Variants in PTPRN2 observed in about 807,000 individuals in gnomAD.
The protein encoded by PTPRN2 is receptor-type tyrosine-protein phosphatase N2.
PTPRN2 carries 74 observed loss-of-function variants against 118.8 expected under a neutral mutation model. That is an observed-to-expected ratio of 0.62 (90% confidence interval 0.52 to 0.76). The LOEUF (loss-of-function observed/expected upper bound fraction) is 0.76. Among genes scored for constraint, PTPRN2 ranks in the 30% least tolerant of loss-of-function variants. The probability of loss-of-function intolerance (pLI) is 0.00; values close to 1 mark genes in which losing one functional copy is unlikely to be tolerated. For missense variants in PTPRN2, 1,481 were observed against 1,394.4 expected, an observed-to-expected ratio of 1.06 and a Z score of -0.99; for synonymous variants, 641 against 608.0, an observed-to-expected ratio of 1.05 and a Z score of -0.80.
At chr7:157,701,138 G>A (rs1223190236) in intron 12 of PTPRN2, among the ~76,000 whole-genome samples, 1 of 151,824 alleles carries the variant, frequency 6.6e-6, no homozygotes, top group Non-Finnish European at 1.5e-5. Flanking sequence ...TTTTTTTCCA[G>A]TTTTACAGAT....
At chr7:158,549,709 T>A (rs1464798382) in intron 1 of PTPRN2, among the ~76,000 whole-genome samples, 1 of 152,194 alleles carries the variant, frequency 6.6e-6, no homozygotes, top group African/African-American at 2.4e-5. Context: ...CTTCGCTCCA[T>A]CACAAAGCTC....
At chr7:158,211,149 C>T (rs904526684) in intron 3 of PTPRN2, among the ~76,000 whole-genome samples, 1 of 152,172 alleles carries the variant, frequency 6.6e-6, no homozygotes, top group Non-Finnish European at 1.5e-5. Flanking sequence ...AGACTCCTAT[C>T]TCTTCCTATA....
In PTPRN2 at chr7:157,603,975, G is replaced by C; in HGVS notation, c.2418+27C>G. ...TCCGTGCCACCCAAGGGAAAGCCTGGGGCCCCTGTCCCGGCAGTGCACTTA... is the reference window on the plus strand; with the variant it reads ...TCCGTGCCACCCAAGGGAAAGCCTGCGGCCCCTGTCCCGGCAGTGCACTTA... On this transcript the variant is annotated intron_variant, in intron 16 of 22. Transcript: ENST00000389418. This position sits in a 1 kb window ranked among gnomAD's most constrained non-coding sequence, Gnocchi z 5.4. 1 of 1,609,590 alleles carries C rather than the reference G, an allele frequency of 6.2e-7. No individual in the cohort carries two copies. Among genetic ancestry groups the C allele is most frequent in the Non-Finnish European group, 8.5e-7 (1 of 1,176,438 alleles).
intron 3 of PTPRN2, among the ~76,000 whole-genome samples, chr7:158,242,245 T>A (rs1478101245): frequency 6.6e-6 from 1 of 152,132 alleles, no homozygotes; most frequent in Non-Finnish European, 1.5e-5. Flanking sequence ...TTCATTTCCA[T>A]CTCCAGTCTT....
intron 11 of PTPRN2, among the ~76,000 whole-genome samples, chr7:158,080,896 A>G (rs1812770100): frequency 6.6e-6 from 1 of 152,178 alleles, no homozygotes; most frequent in Non-Finnish European, 1.5e-5. Flanking sequence ...GGTCTGGTAC[A>G]AAATGAAAAA....
chr7:157,815,071 G>T (rs1013965318), intron 12 of PTPRN2, among the ~76,000 whole-genome samples: 1 of 152,226 alleles, frequency 6.6e-6, no homozygotes, highest in Non-Finnish European at 1.5e-5. Flanking sequence ...TTTATTCTGG[G>T]AGCAGCGCGG....
At chr7:157,983,488 G>A (rs978504503) in intron 11 of PTPRN2, among the ~76,000 whole-genome samples, 10 of 152,252 alleles carry the variant, frequency 6.6e-5, no homozygotes, top group Non-Finnish European at 1.0e-4. Flanking sequence ...GAGACGAAGA[G>A]GGTGCTGATC....
At chr7:158,402,545 T>A (rs1384420715) in intron 2 of PTPRN2, among the ~76,000 whole-genome samples, 1 of 152,068 alleles carries the variant, frequency 6.6e-6, no homozygotes, top group East Asian at 1.9e-4. Context: ...GACTCCAATA[T>A]CCCACGTGCC....
chr7:157,973,874 C>CTA (rs1456776998), intron 11 of PTPRN2, among the ~76,000 whole-genome samples: 1 of 152,182 alleles, frequency 6.6e-6, no homozygotes, highest in Non-Finnish European at 1.5e-5. Context: ...GGACTGGAAC[C>CTA]ACAGGGTATG....
chr7:158,149,966 A>T (rs886938704), intron 6 of PTPRN2, among the ~76,000 whole-genome samples: 1 of 152,248 alleles, frequency 6.6e-6, no homozygotes, highest in Non-Finnish European at 1.5e-5. Context: ...ATAGAAAGTA[A>T]GCAACACAAT....
At chr7:158,227,999 C>A (rs905356054) in intron 3 of PTPRN2, among the ~76,000 whole-genome samples, 2 of 151,326 alleles carry the variant, frequency 1.3e-5, no homozygotes, top group African/African-American at 2.4e-5. Context: ...GTAGTTAAGG[C>A]TTTACATGTA....
intron 2 of PTPRN2, among the ~76,000 whole-genome samples, chr7:158,340,573 C>T (rs1806521332): frequency 8.1e-6 from 1 of 122,920 alleles, no homozygotes; most frequent in African/African-American, 3.0e-5. Context: ...ACAATCTCAC[C>T]ATAAGAGCCG....
chr7:157,737,094 C>T (rs1011695905), intron 12 of PTPRN2, among the ~76,000 whole-genome samples: 3 of 152,226 alleles, frequency 2.0e-5, no homozygotes, highest in Admixed American at 1.3e-4. Flanking sequence ...AAGTGAACTA[C>T]GTCCTGGTTG....
intron 11 of PTPRN2, among the ~76,000 whole-genome samples, chr7:157,919,396 G>T (rs1225933079): frequency 1.3e-5 from 2 of 152,162 alleles, no homozygotes; most frequent in Non-Finnish European, 2.9e-5. Context: ...GGCTGTGGGA[G>T]ATACCGAAAT....
intron 11 of PTPRN2, among the ~76,000 whole-genome samples, chr7:157,965,960 C>A (rs2128812689): frequency 6.6e-6 from 1 of 152,328 alleles, no homozygotes; most frequent in African/African-American, 2.4e-5. Context: ...ACCGTGGAAT[C>A]AGCTTCCCAA....
rs1253934207 is a variant in PTPRN2, at chr7:158,331,784, G to A, written c.164-14852C>T. Among the ~76,000 whole-genome samples the A allele has an allele frequency of 1.8e-4, 24 of 135,408 alleles. 1 individual carries two copies. The highest frequency in any genetic ancestry group is 6.8e-4 in the African/African-American group (23 of 34,002). The allele number at this position is 135,408 out of a possible 152,430, so 88.8% of individuals were successfully genotyped here. Reference sequence around the variant, plus strand: ...ACACTCTCACCATAAGAGCTGTCACGCACAGACATCACTCACACCCACACT... The same window carrying A: ...ACACTCTCACCATAAGAGCTGTCACACACAGACATCACTCACACCCACACT... On this transcript the variant is annotated intron_variant, in intron 2 of 22. Coordinates refer to ENST00000389418, the MANE Select transcript of PTPRN2 (RefSeq NM_002847.5).
chr7:158,004,855 C>T (rs563887561), intron 11 of PTPRN2, among the ~76,000 whole-genome samples: 3 of 152,184 alleles, frequency 2.0e-5, no homozygotes, highest in South Asian at 4.2e-4. Flanking sequence ...TGTTTCTGTT[C>T]CTCTCATGAT....
At chr7:157,570,472 C>T (rs1024743890) in intron 20 of PTPRN2, among the ~76,000 whole-genome samples, 2 of 152,202 alleles carry the variant, frequency 1.3e-5, no homozygotes, top group Non-Finnish European at 1.5e-5. Context: ...TCTTTGGAGA[C>T]AGGTTTCCTT....
rs1585043796 is a variant in PTPRN2, at chr7:157,568,915, G to T, written c.2889C>A (p.Asn963Lys). ...TCTGTGTCTCACCTTTGGCCATCTTGTTGAGAACCATGTCGATCAGGACGT... is the reference window on the plus strand; with the variant it reads ...TCTGTGTCTCACCTTTGGCCATCTTTTTGAGAACCATGTCGATCAGGACGT... Reference protein sequence around the residue: ...GTYVLIDMVLNKMAKGAKEID... With the variant: ...GTYVLIDMVLKKMAKGAKEID... Residue 963 changes from asparagine (N) to lysine (K), a missense_variant, in exon 21 of 23, where the codon AAC (asparagine) becomes AAA (lysine). By Grantham distance (94) the Asn-to-Lys change is moderately conservative. This residue lies in a region of PTPRN2 where 362 missense variants were observed against 384.1 expected (regional missense o/e 0.94). Coordinates refer to ENST00000389418, the MANE Select transcript of PTPRN2 (RefSeq NM_002847.5). 6.4e-7 allele frequency: 1 copy of T among 1,568,562 alleles called. No individual in the cohort carries two copies. Among genetic ancestry groups the T allele is most frequent in the African/African-American group, 1.4e-5 (1 of 73,990 alleles).
Sources: gnomAD v4.1 joint callset for allele counts (sites outside exome capture counted in the v4.1 genomes callset) on GRCh38, gnomAD v4.1.1 for gene constraint, gnomAD v4.1.1 regional missense constraint, Gnocchi (gnomAD v3.1) non-coding constraint, MANE v1.5 for transcripts, NCBI Gene and HGNC (gene_info 2026-07-23, HGNC 2026-07-21) for gene names.